ACBD6: variants seen among roughly 807,000 people sequenced by gnomAD.
ACBD6 encodes acyl-CoA-binding domain-containing protein 6.
ACBD6 carries 28 observed loss-of-function variants against 37.2 expected under a neutral mutation model. That is an observed-to-expected ratio of 0.75 (90% CI 0.56 to 1.03). The LOEUF (loss-of-function observed/expected upper bound fraction) is 1.03. Among genes scored for constraint, ACBD6 ranks in the 50% least tolerant of loss-of-function variants. The probability of loss-of-function intolerance (pLI) is 0.00; values close to 1 mark genes in which losing one functional copy is unlikely to be tolerated. For missense variants in ACBD6, 340 were observed against 337.4 expected, an observed-to-expected ratio of 1.01 and a Z score of -0.06; for synonymous variants, 113 against 126.8, an observed-to-expected ratio of 0.89 and a Z score of 0.73.
At chr1:180,402,715 T>G (rs978113202) in intron 5 of ACBD6, among the ~76,000 whole-genome samples, 1 of 151,366 alleles carries the variant, frequency 6.6e-6, no homozygotes, top group African/African-American at 2.4e-5. Context: ...GAGAATCACT[T>G]AAGCCCATGA....
intron 1 of ACBD6, among the ~76,000 whole-genome samples, chr1:180,498,273 A>C (rs1209806802): frequency 6.6e-6 from 1 of 152,224 alleles, no homozygotes; most frequent in Non-Finnish European, 1.5e-5. Context: ...TTCAAATGTT[A>C]TTACTGGCAA....
chr1:180,368,163 T>A (rs1571416333), intron 6 of ACBD6, among the ~76,000 whole-genome samples: 1 of 152,346 alleles, frequency 6.6e-6, no homozygotes, highest in South Asian at 2.1e-4. Context: ...TTTTTTCATA[T>A]GCTTGTTGGC....
chr1:180,404,194 G>A (rs1029401837), intron 5 of ACBD6, among the ~76,000 whole-genome samples: 1 of 151,768 alleles, frequency 6.6e-6, no homozygotes, highest in Non-Finnish European at 1.5e-5. Flanking sequence ...CAGGTGATCT[G>A]CCCACCTCAG....
At chr1:180,417,380 A>G (rs1648143876) in intron 4 of ACBD6, among the ~76,000 whole-genome samples, 1 of 152,200 alleles carries the variant, frequency 6.6e-6, no homozygotes, top group Non-Finnish European at 1.5e-5. Context: ...AAGTATAACC[A>G]AAAGACGGAG....
intron 3 of ACBD6, among the ~76,000 whole-genome samples, chr1:180,452,166 G>A (rs1294754946): frequency 2.0e-5 from 3 of 152,044 alleles, no homozygotes; most frequent in South Asian, 2.1e-4. Context: ...ATCTAAAATC[G>A]ACACCCTAAC....
chr1:180,470,106 A>C (rs996265628), intron 3 of ACBD6, among the ~76,000 whole-genome samples: 18 of 152,128 alleles, frequency 1.2e-4, no homozygotes, highest in Admixed American at 3.9e-4. Flanking sequence ...TTGTTGGTTC[A>C]TTTTTCCAAT....
chr1:180,482,126 TTTAG>T (rs1283267450), intron 3 of ACBD6, among the ~76,000 whole-genome samples: 9 of 152,168 alleles, frequency 5.9e-5, no homozygotes, highest in Admixed American at 3.9e-4. Flanking sequence ...AACAAATCTG[TTTAG>T]TTATTTTTTT....
intron 6 of ACBD6, among the ~76,000 whole-genome samples, chr1:180,319,765 T>A (rs990616074): frequency 2.0e-5 from 3 of 152,244 alleles, no homozygotes; most frequent in African/African-American, 7.2e-5. Flanking sequence ...AAAGTTTGTC[T>A]GTGCATGGCT....
At chr1:180,439,323 G>A (rs6674374) in intron 3 of ACBD6, among the ~76,000 whole-genome samples, 24,294 of 152,080 alleles carry the variant, frequency 0.16, 1,998 homozygotes, top group Middle Eastern at 0.23. Flanking sequence ...GGGGGCTCAC[G>A]CCTGTAATCC....
downstream of ACBD6, among the ~76,000 whole-genome samples, chr1:180,285,858 T>C (rs1649481880): frequency 6.6e-6 from 1 of 152,002 alleles, no homozygotes; most frequent in African/African-American, 2.4e-5. Context: ...TTTACGTTGG[T>C]TGTTACCCTT....
At chr1:180,437,457 C>T (rs1649091050) in intron 3 of ACBD6, among the ~76,000 whole-genome samples, 1 of 152,124 alleles carries the variant, frequency 6.6e-6, no homozygotes, top group African/African-American at 2.4e-5. Flanking sequence ...GGAGAAATCC[C>T]CACGTATTTG....
chr1:180,358,447 CA>C (rs10707996), intron 6 of ACBD6, among the ~76,000 whole-genome samples: 141,707 of 149,704 alleles, frequency 0.95, 67,069 homozygotes, highest in East Asian at 0.98. Flanking sequence ...ACAACAACAA[CA>C]AAAAAAAAAA....
rs559449741 is a variant in ACBD6, at chr1:180,497,881, T to C, written c.223-2356A>G. Among the ~76,000 whole-genome samples, 7 of 152,318 alleles carry C rather than the reference T, an allele frequency of 4.6e-5. No homozygotes were observed. In the East Asian group the frequency reaches 1.3e-3, roughly 29 times the overall value. Reference sequence around the variant, plus strand: ...GAAGTATTTTAGCAGCATTTTCAGATAATTGTAGATATTCTTCTTTGATAC... The same window carrying C: ...GAAGTATTTTAGCAGCATTTTCAGACAATTGTAGATATTCTTCTTTGATAC... On this transcript the variant is annotated intron_variant, in intron 1 of 7. Coordinates refer to ENST00000367595, the MANE Select transcript of ACBD6 (RefSeq NM_032360.4).
intron 6 of ACBD6, among the ~76,000 whole-genome samples, chr1:180,361,858 T>C (rs1285343455): frequency 6.6e-6 from 1 of 152,164 alleles, no homozygotes; most frequent in Non-Finnish European, 1.5e-5. Context: ...ATATATTTAT[T>C]TTGCTGTATT....
intron 6 of ACBD6, among the ~76,000 whole-genome samples, chr1:180,395,772 A>G (rs940957828): frequency 6.6e-6 from 1 of 152,232 alleles, no homozygotes; most frequent in Non-Finnish European, 1.5e-5. Flanking sequence ...ACGTAGAATT[A>G]TCATATGATC....
Position 180,400,564 on chromosome 1 carries a change from C to A in ACBD6, c.574-2959G>T, listed in dbSNP as rs1417928942. Among the ~76,000 whole-genome samples the A allele has an allele frequency of 6.6e-5, 10 of 152,128 alleles. 1 individual carries two copies. The South Asian group carries it at 2.1e-3, about 31-fold the overall frequency. ...TACTTGTAAATAAACACAGACAAAA[C>A]AAATCAGGCTTTGGAATTTTAACCT... On this transcript the variant is annotated intron_variant, in intron 5 of 7. Coordinates refer to ENST00000367595, the MANE Select transcript of ACBD6 (RefSeq NM_032360.4).
rs909011117 is a variant in ACBD6, at chr1:180,460,278, T to C, written c.385-30016A>G. Among the ~76,000 whole-genome samples, 4 of 152,172 alleles carry C rather than the reference T, an allele frequency of 2.6e-5. No individual in the cohort carries two copies. In the East Asian group the frequency reaches 7.7e-4, roughly 29 times the overall value. On this transcript the variant is annotated intron_variant, in intron 3 of 7. Transcript: ENST00000367595. ...GCCTGACAGAAGTTTGAAAACTTCC[T>C]GGAACAAAGTTCCCGGCGTAGGGGC... is the stretch of plus-strand genomic sequence containing the variant.
In ACBD6 at chr1:180,374,874, A is replaced by G. The variant is rs1161617157; in HGVS notation, c.663+22642T>C. On this transcript the variant is annotated intron_variant, in intron 6 of 7. Transcript: ENST00000367595. ...TAAAAACAGTAAACATTTTATAGCA[A>G]AAATATTAAACATTTAAGAATTTAA... Among the ~76,000 whole-genome samples, 3 of 152,178 alleles carry G rather than the reference A, an allele frequency of 2.0e-5. No homozygotes were observed. In the East Asian group the frequency reaches 5.8e-4, roughly 29 times the overall value.
chr1:180,458,447 T>C (rs867428037), intron 3 of ACBD6, among the ~76,000 whole-genome samples: 4 of 152,162 alleles, frequency 2.6e-5, no homozygotes, highest in African/African-American at 7.2e-5. Flanking sequence ...TTTAGGTATG[T>C]TGTCATATAA....
Sources: gnomAD v4.1 joint callset for allele counts (sites outside exome capture counted in the v4.1 genomes callset) on GRCh38, gnomAD v4.1.1 for gene constraint, MANE v1.5 for transcripts, NCBI Gene and HGNC (gene_info 2026-07-23, HGNC 2026-07-21) for gene names.